The following SH3RF1 variants were observed in gnomAD, a reference collection of about 807,000 sequenced individuals.
SH3RF1 encodes the protein SH3 domain containing ring finger 1.
In SH3RF1, 32 loss-of-function variants were observed where a neutral mutation model predicts 74.0. That is an observed-to-expected ratio of 0.43 (90% CI 0.33 to 0.58). The LOEUF is 0.58. SH3RF1 is among the 20% of genes least tolerant of loss of function. The probability of loss-of-function intolerance (pLI) is 0.05; values close to 1 mark genes in which losing one functional copy is unlikely to be tolerated. For synonymous variants in SH3RF1, 396 were observed against 439.6 expected (o/e 0.90, Z 1.24); for missense variants, 954 against 1,130.9 (o/e 0.84, Z 2.24).
chr4:169,109,319 A>C (rs188875849), intron 10 of SH3RF1, among the ~76,000 whole-genome samples: 1 of 152,350 alleles, frequency 6.6e-6, no homozygotes, highest in African/African-American at 2.4e-5. Flanking sequence ...CAGATAACTC[A>C]ACGGCACTCA....
chr4:169,207,270 T>G (rs1293153579), intron 2 of SH3RF1, among the ~76,000 whole-genome samples: 6 of 151,980 alleles, frequency 3.9e-5, no homozygotes, highest in Non-Finnish European at 1.5e-5. Context: ...CTACAAAAAA[T>G]AAAAGAATTA....
At chr4:169,112,223 T>C (rs966165783) in intron 10 of SH3RF1, among the ~76,000 whole-genome samples, 3 of 152,224 alleles carry the variant, frequency 2.0e-5, no homozygotes, top group African/African-American at 7.2e-5. Context: ...ATATCTGCTG[T>C]AAGTCTCAAC....
intron 6 of SH3RF1, among the ~76,000 whole-genome samples, chr4:169,123,761 G>C (rs1415791559): frequency 6.6e-6 from 1 of 152,072 alleles, no homozygotes; most frequent in East Asian, 1.9e-4. Context: ...GTGTGATGGC[G>C]GGTGCCAGTA....
chr4:169,151,631 T>C (rs2126962527), intron 4 of SH3RF1, among the ~76,000 whole-genome samples: 1 of 152,334 alleles, frequency 6.6e-6, no homozygotes, highest in South Asian at 2.1e-4. Flanking sequence ...ATGAGAAATG[T>C]AGCCCTTGTT....
Position 169,122,245 on chromosome 4 carries a change from G to A in SH3RF1, c.1201C>T (p.Pro401Ser). ...ALGTLNPPLP[P>S]PPLLAATVLA... Reference sequence around the variant, plus strand: ...ACAGTGGCAGCCAGGAGAGGGGGTGGTGGAAGAGGAGGATTCAAAGTCTAG... The same window carrying A: ...ACAGTGGCAGCCAGGAGAGGGGGTGATGGAAGAGGAGGATTCAAAGTCTAG... Residue 401 changes from proline (P) to serine (S), a missense_variant, in exon 7 of 12, where the codon CCA becomes TCA. Physicochemically the swap from Pro to Ser is moderately conservative, Grantham distance 74. Transcript: ENST00000284637. 2 of 1,604,624 alleles carry A rather than the reference G, an allele frequency of 1.2e-6. No individual in the cohort carries two copies. The highest frequency in any genetic ancestry group is 1.7e-6 in the Non-Finnish European group (2 of 1,174,898).
chr4:169,114,506 T>C (rs749461234), intron 10 of SH3RF1, among the ~76,000 whole-genome samples: 1 of 151,460 alleles, frequency 6.6e-6, no homozygotes, highest in Non-Finnish European at 1.5e-5. Context: ...GTGGACATCC[T>C]TGGGGAGTCA....
At chr4:169,159,962 T>C (rs7689533) in intron 2 of SH3RF1, among the ~76,000 whole-genome samples, 48,456 of 152,078 alleles carry the variant, frequency 0.32, 8,036 homozygotes, top group African/African-American at 0.4. Context: ...CACTGACATG[T>C]ACCGTTTAAT....
chr4:169,124,227 G>A (rs1733488209), intron 6 of SH3RF1, among the ~76,000 whole-genome samples: 1 of 152,076 alleles, frequency 6.6e-6, no homozygotes, highest in Admixed American at 6.6e-5. Flanking sequence ...AAAACTAATG[G>A]CATGTGCTCA....
chr4:169,156,397 C>T lies in SH3RF1; in HGVS notation c.669+7G>A, dbSNP rs368921565. 3.7e-5 allele frequency: 59 copies of T among 1,579,144 alleles called. No homozygotes were observed. The African/African-American group carries it at 6.7e-4, about 18-fold the overall frequency. On this transcript the variant is annotated splice_region_variant and intron_variant, in intron 3 of 11. Coordinates refer to ENST00000284637, the MANE Select transcript of SH3RF1 (RefSeq NM_020870.4). ...GCAAACAGAAAACAAGCACATTCTA[C>T]CTTTACCTTTGCAAATGGAAGGCAA... is the stretch of plus-strand genomic sequence containing the variant.
chr4:169,122,290 GA>G (rs1561029518), intron 6 of SH3RF1, 24 bp from the exon 7 acceptor site: 1 of 1,541,082 alleles, frequency 6.5e-7, no homozygotes, highest in Non-Finnish European at 8.8e-7. Context: ...AACATAAAGA[GA>G]AAGGGAAAAA....
At chr4:169,121,960 T>TAGA (rs1733441613) in intron 7 of SH3RF1, 140 bp downstream of exon 7, 3 of 1,046,920 alleles carry the variant, frequency 2.9e-6, no homozygotes, top group African/African-American at 3.2e-5. Context: ...CATGACCAGG[T>TAGA]AGAAGTTTGC....
intron 2 of SH3RF1, among the ~76,000 whole-genome samples, chr4:169,261,967 CTA>C (rs1561067788): frequency 6.6e-6 from 1 of 151,394 alleles, no homozygotes; most frequent in African/African-American, 2.4e-5. Flanking sequence ...AAGAAAAATG[CTA>C]TGAGAAAAAT....
intron 11 of SH3RF1, among the ~76,000 whole-genome samples, chr4:169,097,648 A>G (rs1732953579): frequency 6.6e-6 from 1 of 152,186 alleles, no homozygotes; most frequent in African/African-American, 2.4e-5. Context: ...CTTCTCAACA[A>G]AAGGGGGGAA....
intron 5 of SH3RF1, among the ~76,000 whole-genome samples, chr4:169,133,967 C>G (rs1733658030): frequency 6.6e-6 from 1 of 152,146 alleles, no homozygotes; most frequent in Non-Finnish European, 1.5e-5. Flanking sequence ...GAGCCATTTC[C>G]CCATACGCAC....
In SH3RF1 at chr4:169,223,283, C is replaced by T. The variant is rs565699985; in HGVS notation, c.393+45537G>A. Among the ~76,000 whole-genome samples the T allele has an allele frequency of 5.3e-5, 8 of 152,302 alleles. No homozygotes were observed. The South Asian group carries it at 1.7e-3, about 32-fold the overall frequency. On this transcript the variant is annotated intron_variant, in intron 2 of 11. Transcript: ENST00000284637. ...GGGAAGATAGAAATATAAGCCACCA[C>T]ACCTCTCCACAAAATGCAGCACATA...
At chr4:169,160,106 G>GC (rs928115451) in intron 2 of SH3RF1, among the ~76,000 whole-genome samples, 26 of 152,224 alleles carry the variant, frequency 1.7e-4, no homozygotes, top group Admixed American at 4.6e-4. Context: ...ATTATGGCCT[G>GC]TTTTTTTCCC....
At chr4:169,170,757 CCTGTCTGATCTAAT>C (rs1734314593) in intron 2 of SH3RF1, among the ~76,000 whole-genome samples, 1 of 152,138 alleles carries the variant, frequency 6.6e-6, no homozygotes, top group Admixed American at 6.6e-5. Context: ...CATCAGATCA[CCTGTCTGATCTAAT>C]CTGTCTGATC....
At chr4:169,103,697 T>C (rs1733080819) in intron 11 of SH3RF1, among the ~76,000 whole-genome samples, 1 of 152,186 alleles carries the variant, frequency 6.6e-6, no homozygotes, top group African/African-American at 2.4e-5. Context: ...TTATTTTTAC[T>C]GTGAGACAGA....
intron 5 of SH3RF1, among the ~76,000 whole-genome samples, chr4:169,134,216 G>T (rs1203454322): frequency 1.3e-5 from 2 of 152,192 alleles, no homozygotes; most frequent in Non-Finnish European, 2.9e-5. Flanking sequence ...TATGGAAGGA[G>T]GGGTGGAATG....
Sources: gnomAD v4.1 joint callset for allele counts (sites outside exome capture counted in the v4.1 genomes callset) on GRCh38, gnomAD v4.1.1 for gene constraint, MANE v1.5 for transcripts, NCBI Gene and HGNC (gene_info 2026-07-23, HGNC 2026-07-21) for gene names.